The following ELOVL6 variants were observed in gnomAD, a reference collection of about 807,000 sequenced individuals.
ELOVL6 encodes the protein ELOVL fatty acid elongase 6.
In ELOVL6, 8 loss-of-function variants were observed where a neutral mutation model predicts 31.7. That is an observed-to-expected ratio of 0.25 (90% CI 0.15 to 0.45). ELOVL6 has a LOEUF of 0.45. Ranked by LOEUF, ELOVL6 falls within the 20% of genes least tolerant of loss-of-function variation. The probability of loss-of-function intolerance (pLI) is 1.00; values close to 1 mark genes in which losing one functional copy is unlikely to be tolerated. For missense variants in ELOVL6, 126 were observed against 326.4 expected, an observed-to-expected ratio of 0.39 and a Z score of 4.73; for synonymous variants, 101 against 117.7, an observed-to-expected ratio of 0.86 and a Z score of 0.92.
At chr4:110,094,062 C>T (rs998552575) in intron 2 of ELOVL6, among the ~76,000 whole-genome samples, 2 of 151,654 alleles carry the variant, frequency 1.3e-5, no homozygotes, top group African/African-American at 4.8e-5. Flanking sequence ...CCAGCCTGGC[C>T]GACATGGCAA....
intron 2 of ELOVL6, among the ~76,000 whole-genome samples, chr4:110,071,161 A>G (rs1222797120): frequency 2.6e-5 from 4 of 152,222 alleles, no homozygotes; most frequent in Non-Finnish European, 5.9e-5. Flanking sequence ...TAGCAGAGTC[A>G]TAAGCTCCGG....
intron 1 of ELOVL6, among the ~76,000 whole-genome samples, chr4:110,177,179 T>A (rs1203030656): frequency 6.6e-6 from 1 of 152,210 alleles, no homozygotes; most frequent in Non-Finnish European, 1.5e-5. Context: ...TGGCTCATGC[T>A]TGTAATCCCA....
chr4:110,064,895 C>T (rs945752058), intron 2 of ELOVL6, among the ~76,000 whole-genome samples: 20 of 152,130 alleles, frequency 1.3e-4, no homozygotes, highest in Non-Finnish European at 2.5e-4. Context: ...TCTAGCATGA[C>T]GTTGACATAT....
At chr4:110,079,056 T>C (rs1755748194) in intron 2 of ELOVL6, among the ~76,000 whole-genome samples, 1 of 152,190 alleles carries the variant, frequency 6.6e-6, no homozygotes, top group Non-Finnish European at 1.5e-5. Context: ...TAAATATATA[T>C]GCACTCAATA....
At chr4:110,194,187 TAGTG>T (rs10593899) in intron 1 of ELOVL6, among the ~76,000 whole-genome samples, 2,470 of 152,324 alleles carry the variant, frequency 0.016, 69 homozygotes, top group African/African-American at 0.056. Context: ...AGTCAGCTCT[TAGTG>T]AGAAAAACAG....
At chr4:110,104,981 C>T (rs1033001432) in intron 2 of ELOVL6, among the ~76,000 whole-genome samples, 7 of 152,098 alleles carry the variant, frequency 4.6e-5, no homozygotes, top group Non-Finnish European at 7.4e-5. Context: ...CAAGTCAGTT[C>T]GGGGAATGAG....
intron 2 of ELOVL6, among the ~76,000 whole-genome samples, chr4:110,104,894 G>A (rs1026073520): frequency 6.6e-6 from 1 of 152,204 alleles, no homozygotes; most frequent in Non-Finnish European, 1.5e-5. Flanking sequence ...TGAGAGAACA[G>A]GCCTTGTCCT....
rs1381295016 is a variant in ELOVL6, at chr4:110,158,663, T to A, written c.89+39584A>T. 3.2e-3 allele frequency among the ~76,000 whole-genome samples: 315 copies of A among 99,000 alleles called. 1 individual carries two copies. Among genetic ancestry groups the A allele is most frequent in the Admixed American group, 0.021 (205 of 9,576 alleles). 64.9% of individuals were successfully genotyped at this position (99,000 alleles called of 152,430 possible). On this transcript the variant is annotated intron_variant, in intron 1 of 3. Transcript: ENST00000302274. ...TATATATATATATATATATATTTTTTTTTTTTTTTTTTTTGAGACAGAATT... is the reference window on the plus strand; with the variant it reads ...TATATATATATATATATATATTTTTATTTTTTTTTTTTTTGAGACAGAATT...
chr4:110,086,449 TCA>T lies in ELOVL6; in HGVS notation c.221+19046_221+19047del, dbSNP rs1356392499. On this transcript the variant is annotated intron_variant, in intron 2 of 3. Transcript: ENST00000302274. ...CTTACATCTAAATTATACTCAGAAA[TCA>T]CAGTTTCAAAGCTAGTGTTCCAACT... 3.3e-5 allele frequency among the ~76,000 whole-genome samples: 5 copies of T among 152,222 alleles called. No homozygotes were observed. The South Asian group carries it at 8.3e-4, about 25-fold the overall frequency.
At chr4:110,170,034 C>T (rs192298453) in intron 1 of ELOVL6, among the ~76,000 whole-genome samples, 2 of 151,734 alleles carry the variant, frequency 1.3e-5, no homozygotes, top group Admixed American at 6.6e-5. Flanking sequence ...AGACTGGCCT[C>T]GAACGCCTAA....
chr4:110,186,446 ACT>A (rs1759443041), intron 1 of ELOVL6, among the ~76,000 whole-genome samples: 1 of 151,704 alleles, frequency 6.6e-6, no homozygotes, highest in African/African-American at 2.4e-5. Flanking sequence ...TTCTGATCAG[ACT>A]CTCTACATTC....
At position 110,053,917 on chromosome 4, in the gene ELOVL6, C is replaced by T. The variant is rs575757142; in HGVS notation, c.374-2155G>A. Among the ~76,000 whole-genome samples, 102 of 150,520 alleles carry T rather than the reference C, an allele frequency of 6.8e-4. 1 individual carries two copies. In the South Asian group the frequency reaches 0.011, roughly 16 times the overall value. ...TTGTGCCACTATACTCCAGCCTGGGCGACAGAGTGAGACTCCATCTCAAAA... is the reference window on the plus strand; with the variant it reads ...TTGTGCCACTATACTCCAGCCTGGGTGACAGAGTGAGACTCCATCTCAAAA... On this transcript the variant is annotated intron_variant, in intron 3 of 3. Coordinates refer to ENST00000302274, the MANE Select transcript of ELOVL6 (RefSeq NM_024090.3).
chr4:110,185,173 C>T (rs1428775529), intron 1 of ELOVL6, among the ~76,000 whole-genome samples: 3 of 152,168 alleles, frequency 2.0e-5, no homozygotes, highest in Non-Finnish European at 4.4e-5. Context: ...CAAAGTAGTG[C>T]AATCACACAT....
intron 1 of ELOVL6, among the ~76,000 whole-genome samples, chr4:110,158,657 A>ATATATATATTTTTTT: frequency 6.7e-5 from 5 of 74,160 alleles, no homozygotes; most frequent in African/African-American, 3.3e-4. Context: ...ATATATATAT[A>ATATATATATTTTTTT]TTTTTTTTTT....
chr4:110,184,710 G>C (rs1248196871), intron 1 of ELOVL6, among the ~76,000 whole-genome samples: 7 of 152,152 alleles, frequency 4.6e-5, no homozygotes, highest in African/African-American at 1.4e-4. Flanking sequence ...CACAGGAATT[G>C]GTTGTAAATT....
intron 3 of ELOVL6, among the ~76,000 whole-genome samples, chr4:110,053,592 G>A (rs973896001): frequency 6.6e-6 from 1 of 152,176 alleles, no homozygotes; most frequent in Non-Finnish European, 1.5e-5. Flanking sequence ...ATCACCTGAG[G>A]TCAGGAGTTC....
intron 2 of ELOVL6, among the ~76,000 whole-genome samples, chr4:110,084,109 A>G (rs1333610428): frequency 2.8e-5 from 3 of 107,174 alleles, no homozygotes; most frequent in African/African-American, 1.3e-4. Context: ...TATGATATAT[A>G]TGATATATAT....
intron 2 of ELOVL6, among the ~76,000 whole-genome samples, chr4:110,100,025 T>C (rs771444223): frequency 1.3e-5 from 2 of 152,226 alleles, no homozygotes; most frequent in Non-Finnish European, 2.9e-5. Flanking sequence ...CCTAAGGAAA[T>C]GTTCAAACAC....
intron 1 of ELOVL6, among the ~76,000 whole-genome samples, chr4:110,142,812 C>T (rs1043291341): frequency 6.6e-6 from 1 of 152,158 alleles, no homozygotes; most frequent in Admixed American, 6.5e-5. Flanking sequence ...TTATCACAGT[C>T]CTATAACATA....
Sources: gnomAD v4.1 joint callset for allele counts (sites outside exome capture counted in the v4.1 genomes callset) on GRCh38, gnomAD v4.1.1 for gene constraint, MANE v1.5 for transcripts, NCBI Gene and HGNC (gene_info 2026-07-23, HGNC 2026-07-21) for gene names.